CNNM3: variants seen among roughly 807,000 people sequenced by gnomAD.
The protein encoded by CNNM3 is metal transporter CNNM3.
Under a neutral mutation model 57.1 loss-of-function variants are expected in CNNM3, and 47 were observed. The ratio of observed to expected loss-of-function variants is 0.82; its 90% confidence interval spans 0.65 to 1.05. The LOEUF (loss-of-function observed/expected upper bound fraction) is 1.05, where lower values mean the gene tolerates loss of function less well. Among genes scored for constraint, CNNM3 ranks in the 50% least tolerant of loss-of-function variants. The probability of loss-of-function intolerance (pLI) is 0.00; values close to 1 mark genes in which losing one functional copy is unlikely to be tolerated. For missense variants in CNNM3, 957 were observed against 973.7 expected (o/e 0.98, Z 0.23); for synonymous variants, 507 against 478.2 (o/e 1.06, Z -0.79).
At chr2:96,821,359 C>T (rs1439386945) in intron 1 of CNNM3, among the ~76,000 whole-genome samples, 4 of 152,234 alleles carry the variant, frequency 2.6e-5, no homozygotes, top group Non-Finnish European at 4.4e-5. Context: ...AAAATCGATT[C>T]CCTTTCCATC....
chr2:96,828,620 G>C lies in CNNM3; in HGVS notation c.1840G>C (p.Asp614His), dbSNP rs777645164. 1 of 1,614,146 alleles carries C rather than the reference G, an allele frequency of 6.2e-7. No individual in the cohort carries two copies. Reference protein sequence around the residue: ...LQPIRHDLQPDPGDGTHSSAY... With the variant: ...LQPIRHDLQPHPGDGTHSSAY... ...GCCCATCCGCCATGACCTGCAGCCC[G>C]ACCCAGGTGACGGCACGCATTCATC... The change falls in exon 6 of 8, where the codon GAC becomes CAC. Residue 614 changes from aspartate to histidine, a missense_variant. Physicochemically the swap from Asp to His is moderately conservative, Grantham distance 81 (BLOSUM62 -1). This residue lies in a region of CNNM3 where 491 missense variants were observed against 570.6 expected (regional missense o/e 0.86). Coordinates refer to ENST00000305510, the MANE Select transcript of CNNM3 (RefSeq NM_017623.5).
In CNNM3 at chr2:96,827,285, A is replaced by G. The variant is rs1423117123; in HGVS notation, c.1519+303A>G. Among the ~76,000 whole-genome samples the G allele has an allele frequency of 2.1e-5, 3 of 142,110 alleles. No homozygotes were observed. The East Asian group carries it at 6.2e-4, about 29-fold the overall frequency. 93.2% of individuals were successfully genotyped at this position (142,110 alleles called of 152,430 possible). ...CAGTTCTTTTTTTTTTTTTTTTTTT[A>G]AAGATAGGGTCTCGCTCTGTCACCC... On this transcript the variant is annotated intron_variant, in intron 3 of 7. Coordinates refer to ENST00000305510, the MANE Select transcript of CNNM3 (RefSeq NM_017623.5).
chr2:96,824,450 A>G (rs1415200109), intron 1 of CNNM3: 2 of 153,950 alleles, frequency 1.3e-5, no homozygotes, highest in Non-Finnish European at 2.9e-5. Context: ...ACATACACAC[A>G]GTCTATCTGT....
At chr2:96,835,895 C>T (rs59244622), downstream of CNNM3, among the ~76,000 whole-genome samples, 15,588 of 152,192 alleles carry the variant, frequency 0.1, 975 homozygotes, top group Middle Eastern at 0.18. Context: ...TGATGCCTCA[C>T]GGTGGTTTTT....
At chr2:96,825,021 C>G (rs765871138) in intron 1 of CNNM3, 37 bp from the exon 2 acceptor site, 148 of 1,608,464 alleles carry the variant, frequency 9.2e-5, no homozygotes, top group Non-Finnish European at 1.2e-4. Context: ...CTGGGGGGGG[C>G]CCAGCAAGCT....
chr2:96,816,741 A>T lies in CNNM3; in HGVS notation c.464A>T (p.Gln155Leu). ...LALAALARGLQLSALALAPAE... is the reference protein window; with the variant it reads ...LALAALARGLLLSALALAPAE... ...CTGGCAGCGCTGGCGCGAGGCCTGC[A>T]GCTGAGCGCGCTGGCGCTGGCGCCT... The change falls in exon 1 of 8, where the codon CAG becomes CTG. Residue 155 changes from glutamine (Q) to leucine (L), a missense_variant. Physicochemically the swap from Gln to Leu is moderately radical, Grantham distance 113. Transcript: ENST00000305510. 9.9e-7 allele frequency: 1 copy of T among 1,014,852 alleles called. No homozygotes were observed. Among genetic ancestry groups the T allele is most frequent in the Non-Finnish European group, 1.2e-6 (1 of 851,386 alleles). 62.9% of individuals were successfully genotyped at this position (1,014,852 alleles called of 1,614,324 possible).
At position 96,827,851 on chromosome 2, in the gene CNNM3, A is replaced by C. The variant is rs1574111526; in HGVS notation, c.1640A>C (p.Tyr547Ser). ...AGCAACCGGCTGGCCACACACCACT[A>C]CCTGTACCAGCGCAGCCAGCCGGTG... ...DESNRLATHH[Y>S]LYQRSQPVDY... The change falls in exon 4 of 8, where the codon TAC becomes TCC. Residue 547 changes from tyrosine to serine, a missense_variant. Tyr to Ser is a moderately radical substitution (Grantham distance 144, BLOSUM62 -2). Coordinates refer to ENST00000305510, the MANE Select transcript of CNNM3 (RefSeq NM_017623.5). 1 of 1,614,108 alleles carries C rather than the reference A, an allele frequency of 6.2e-7. No individual in the cohort carries two copies. Among genetic ancestry groups the C allele is most frequent in the Non-Finnish European group, 8.5e-7 (1 of 1,180,004 alleles).
chr2:96,828,396 G>A, intron 5 of CNNM3, 171 bp from the exon 6 acceptor site: 1 of 939,490 alleles, frequency 1.1e-6, no homozygotes. Context: ...CTCCACCCCT[G>A]CAAAACCTCT....
chr2:96,832,001 G>T (rs761307401), intron 7 of CNNM3: 88 of 986,336 alleles, frequency 8.9e-5, no homozygotes, highest in Non-Finnish European at 1.0e-4. Context: ...CTTTGGCACA[G>T]TTGGAAACTG....
downstream of CNNM3, among the ~76,000 whole-genome samples, chr2:96,836,088 C>CTTT (rs1553484521): frequency 7.0e-6 from 1 of 143,470 alleles, no homozygotes; most frequent in African/African-American, 2.7e-5. Flanking sequence ...CCCTCCCCCC[C>CTTT]TTTTTTTTTT....
Position 96,835,221 on chromosome 2 carries a change from C to T in CNNM3, c.*2605C>T, listed in dbSNP as rs549631119. ...TTCGGGATTGTCTTTTTTCACTCGG[C>T]GTCATTCTCGGGAGATCATCCAGGC... On this transcript the variant is annotated 3_prime_UTR_variant, in exon 8 of 8. Transcript: ENST00000305510. Among the ~76,000 whole-genome samples, 6 of 152,250 alleles carry T rather than the reference C, an allele frequency of 3.9e-5. No homozygotes were observed. Among genetic ancestry groups the T allele is most frequent in the African/African-American group, 1.2e-4 (5 of 41,550 alleles).
In CNNM3 at chr2:96,829,306, T is replaced by G. The variant is rs1056275401; in HGVS notation, c.2059+172T>G. 560 of 810,488 alleles carry G rather than the reference T, an allele frequency of 6.9e-4. 2 individuals are homozygous for G. The highest frequency in any genetic ancestry group is 8.8e-4 in the Admixed American group (14 of 15,884). 50.2% of individuals were successfully genotyped at this position (810,488 alleles called of 1,614,324 possible). A position where few individuals can be genotyped will look rare whatever the true frequency, so the allele number is the denominator to read the frequency against. On this transcript the variant is annotated intron_variant, in intron 7 of 7. Coordinates refer to ENST00000305510, the MANE Select transcript of CNNM3 (RefSeq NM_017623.5). The stretch of plus-strand genomic sequence containing the variant: ...ATCTATATATAAATAATTTTTTTTT[T>G]TTTTGAGATGGAGTCTTACTCTGTT...
At chr2:96,835,469 C>CTTTTTTTTTTTTTTTTTTTTTTTT (rs535208227), downstream of CNNM3, among the ~76,000 whole-genome samples, 1 of 137,590 alleles carries the variant, frequency 7.3e-6, no homozygotes, top group African/African-American at 2.7e-5. Context: ...AACAATCAAA[C>CTTTTTTTTTTTTTTTTTTTTTTTT]TTTTTTTTTT....
In CNNM3 at chr2:96,817,325, C is replaced by T; in HGVS notation, c.1048C>T (p.Pro350Ser). ...SIMQSGHTRIPVYEEERSNIV... is the reference protein window; with the variant it reads ...SIMQSGHTRISVYEEERSNIV... ...CATGCAGAGCGGCCACACGCGCATC[C>T]CGGTGTACGAGGAGGAGCGCTCCAA... The change falls in exon 1 of 8, where the codon CCG becomes TCG. Residue 350 changes from proline (P) to serine (S), a missense_variant. Physicochemically the swap from Pro to Ser is moderately conservative, Grantham distance 74 (BLOSUM62 -1). Coordinates refer to ENST00000305510, the MANE Select transcript of CNNM3 (RefSeq NM_017623.5). The T allele has an allele frequency of 6.2e-7, 1 of 1,614,122 alleles. No homozygotes were observed. The highest frequency in any genetic ancestry group is 8.5e-7 in the Non-Finnish European group (1 of 1,180,044).
rs576016423 is a variant in CNNM3 at position 96,820,229 on chromosome 2, T to C, written c.1225+2727T>C. Among the ~76,000 whole-genome samples, 10 of 152,104 alleles carry C rather than the reference T, an allele frequency of 6.6e-5. No homozygotes were observed. The South Asian group carries it at 1.5e-3, about 22-fold the overall frequency. ...CCCCAAGAGGGCAGCAGAGGTGGAA[T>C]TGGGAAGATTGGTATCTGGCAGCAG... is the stretch of plus-strand genomic sequence containing the variant. On this transcript the variant is annotated intron_variant, in intron 1 of 7. Coordinates refer to ENST00000305510, the MANE Select transcript of CNNM3 (RefSeq NM_017623.5).
Position 96,816,291 on chromosome 2 carries a change from T to C in CNNM3, c.14T>C (p.Val5Ala), listed in dbSNP as rs775001414. 4.6e-6 allele frequency: 6 copies of C among 1,302,184 alleles called. No individual in the cohort carries two copies. In the East Asian group the frequency reaches 1.5e-4, roughly 32 times the overall value. 80.7% of individuals were successfully genotyped at this position (1,302,184 alleles called of 1,614,324 possible). A position where few individuals can be genotyped will look rare whatever the true frequency, so the allele number is the denominator to read the frequency against. The part of the protein sequence containing the change: MAAA[V>A]AAAGRLGWLF... Reference sequence around the variant, plus strand: ...GGGCAGCAGGCGATGGCGGCGGCGGTAGCTGCGGCGGGTCGGTTAGGCTGG... The same window carrying C: ...GGGCAGCAGGCGATGGCGGCGGCGGCAGCTGCGGCGGGTCGGTTAGGCTGG... The change falls in exon 1 of 8, where the codon GTA (valine) becomes GCA (alanine). Residue 5 changes from valine (V) to alanine (A), a missense_variant. Val to Ala is a moderately conservative substitution (Grantham distance 64). Transcript: ENST00000305510.
Position 96,816,943 on chromosome 2 carries a change from G to C in CNNM3, c.666G>C (p.Val222=). The change falls in exon 1 of 8, where the codon GTG becomes GTC. Residue 222 remains valine (V), a synonymous_variant. Coordinates refer to ENST00000305510, the MANE Select transcript of CNNM3 (RefSeq NM_017623.5). The part of the protein sequence containing the change: ...LLYRAAGQRA[V]PAVLGSAGLV... ...ACCGCGCGGCCGGCCAGCGTGCGGT[G>C]CCCGCCGTGTTGGGCAGCGCGGGGC... 7.9e-7 allele frequency: 1 copy of C among 1,263,324 alleles called. No individual in the cohort carries two copies. The highest frequency in any genetic ancestry group is 1.0e-6 in the Non-Finnish European group (1 of 1,001,288). The allele number at this position is 1,263,324 out of a possible 1,614,324, so 78.3% of individuals were successfully genotyped here.
Position 96,816,776 on chromosome 2 carries a change from C to G in CNNM3, c.499C>G (p.Gln167Glu). 1 of 1,021,152 alleles carries G rather than the reference C, an allele frequency of 9.8e-7. No homozygotes were observed. The highest frequency in any genetic ancestry group is 1.2e-6 in the Non-Finnish European group (1 of 855,844). 63.3% of individuals were successfully genotyped at this position (1,021,152 alleles called of 1,614,324 possible). The change falls in exon 1 of 8, where the codon CAG becomes GAG. Residue 167 changes from glutamine to glutamate, a missense_variant. By Grantham distance (29) the Gln-to-Glu change is conservative. Coordinates refer to ENST00000305510, the MANE Select transcript of CNNM3 (RefSeq NM_017623.5). ...SALALAPAEV[Q>E]VLRESGSEAE... ...GCTGGCGCTGGCGCCTGCCGAGGTG[C>G]AGGTGCTGCGCGAGAGCGGCTCGGA... is the stretch of plus-strand genomic sequence containing the variant.
At chr2:96,821,751 CAGAA>C (rs2079409998) in intron 1 of CNNM3, among the ~76,000 whole-genome samples, 1 of 152,198 alleles carries the variant, frequency 6.6e-6, no homozygotes, top group Non-Finnish European at 1.5e-5. Flanking sequence ...TAAACATGCT[CAGAA>C]CACTTACTTT....
Sources: allele counts gnomAD v4.1 joint callset (sites outside exome capture counted in the v4.1 genomes callset), GRCh38; gene constraint gnomAD v4.1.1; regional missense constraint gnomAD v4.1.1; transcripts MANE v1.5; gene names NCBI Gene and HGNC (gene_info 2026-07-23, HGNC 2026-07-21).